The following PFKP variants were observed in gnomAD, a reference collection of about 807,000 sequenced individuals.
PFKP encodes phosphofructokinase, platelet.
PFKP carries 101 observed loss-of-function variants against 94.3 expected under a neutral mutation model. The ratio of observed to expected loss-of-function variants is 1.07; its 90% confidence interval spans 0.91 to 1.26. The LOEUF (loss-of-function observed/expected upper bound fraction) is 1.26, where lower values mean the gene tolerates loss of function less well. Ranked by LOEUF, PFKP falls within the 50% of genes most tolerant of loss-of-function variation. The probability of loss-of-function intolerance (pLI) is 0.00; values close to 1 mark genes in which losing one functional copy is unlikely to be tolerated. For missense variants in PFKP, 1,145 were observed against 1,103.3 expected (o/e 1.04, Z -0.53); for synonymous variants, 573 against 432.6 (o/e 1.32, Z -4.03).
rs1839424710 is a variant in PFKP at position 3,136,735 on chromosome 10, GGAGT to G, written c.*158_*161del. 1.5e-6 allele frequency: 1 copy of G among 661,998 alleles called. No individual in the cohort carries two copies. Among genetic ancestry groups the G allele is most frequent in the Non-Finnish European group, 2.6e-6 (1 of 391,374 alleles). 41.0% of individuals were successfully genotyped at this position (661,998 alleles called of 1,614,324 possible). A position where few individuals can be genotyped will look rare whatever the true frequency, so the allele number is the denominator to read the frequency against. Reference sequence around the variant, plus strand: ...ACCTGCTCCAGTGCGTGCTGTCTGTGGAGTGTGTCTCATGCTTTCAGATGTGCAT... The same window carrying G: ...ACCTGCTCCAGTGCGTGCTGTCTGTGGTGTCTCATGCTTTCAGATGTGCAT... On this transcript the variant is annotated 3_prime_UTR_variant, in exon 22 of 22. Transcript: ENST00000381125.
chr10:3,069,119 C>T (rs1386324064), intron 1 of PFKP: 2 of 537,894 alleles, frequency 3.7e-6, no homozygotes, highest in African/African-American at 4.0e-5. Context: ...CTCCCCAGGC[C>T]CGCAGCGCAG....
At chr10:3,121,568 G>C (rs978183241) in intron 16 of PFKP, among the ~76,000 whole-genome samples, 1 of 137,150 alleles carries the variant, frequency 7.3e-6, no homozygotes, top group Admixed American at 7.9e-5. Flanking sequence ...AGGGTCCTCT[G>C]CTATAAATAA....
At position 3,099,270 on chromosome 10, in the gene PFKP, C is replaced by T. The variant is rs760544416; in HGVS notation, c.187-5C>T. On this transcript the variant is annotated splice_polypyrimidine_tract_variant and splice_region_variant and intron_variant, in intron 2 of 21. Coordinates refer to ENST00000381125, the MANE Select transcript of PFKP (RefSeq NM_002627.5). ...TTTTTAAAAGATTCTCCCTTTCTCC[C>T]CTAGGGCTACCAGGGCATGGTGGAC... is the stretch of plus-strand genomic sequence containing the variant. The T allele has an allele frequency of 6.2e-7, 1 of 1,611,040 alleles. No homozygotes were observed. The highest frequency in any genetic ancestry group is 1.1e-5 in the South Asian group (1 of 91,028).
intron 16 of PFKP, among the ~76,000 whole-genome samples, chr10:3,126,335 G>A (rs1837940517): frequency 6.6e-6 from 1 of 152,220 alleles, no homozygotes; most frequent in Admixed American, 6.5e-5. Context: ...TGGTGGTCTT[G>A]CAGAGGCTGG....
intron 2 of PFKP, among the ~76,000 whole-genome samples, chr10:3,089,610 ACT>A (rs1369874339): frequency 2.7e-5 from 4 of 147,006 alleles, no homozygotes; most frequent in African/African-American, 7.6e-5. Context: ...CTCCAATTTT[ACT>A]CTTTTAGTTA....
Position 3,134,583 on chromosome 10 carries a change from G to T in PFKP, c.2122+1G>T. The stretch of plus-strand genomic sequence containing the variant: ...AAACTCAAGGAGGCCCGGGGCAGAG[G>T]TAAGGGGTCTGGGGAGGGAGGCCAC... On this transcript the variant is annotated splice_donor_variant, in intron 20 of 21. Transcript: ENST00000381125. LOFTEE classifies it high-confidence loss of function. 3.7e-6 allele frequency: 6 copies of T among 1,605,104 alleles called. No individual in the cohort carries two copies. Among genetic ancestry groups the T allele is most frequent in the Non-Finnish European group, 4.3e-6 (5 of 1,171,992 alleles).
At chr10:3,128,600 GCGGGCCT>G (rs1017907868) in intron 16 of PFKP, among the ~76,000 whole-genome samples, 1 of 152,044 alleles carries the variant, frequency 6.6e-6, no homozygotes, top group Non-Finnish European at 1.5e-5. Context: ...GCCCAGAGTT[GCGGGCCT>G]TGCACGCCTT....
chr10:3,067,976 G>A (rs918218275), intron 1 of PFKP, among the ~76,000 whole-genome samples: 2 of 152,216 alleles, frequency 1.3e-5, no homozygotes, highest in African/African-American at 2.4e-5. Context: ...CGGTGGGGCG[G>A]GGGAGGAAGG....
chr10:3,097,092 C>CAAAA (rs1331910256), intron 2 of PFKP, among the ~76,000 whole-genome samples: 2 of 95,630 alleles, frequency 2.1e-5, no homozygotes, highest in Non-Finnish European at 4.3e-5. Context: ...AAACAAAAAA[C>CAAAA]AAAAAAACCT....
intron 12 of PFKP, 36 bp downstream of exon 12, chr10:3,113,224 C>G: frequency 1.3e-6 from 2 of 1,598,772 alleles, no homozygotes. Flanking sequence ...CCCGACCTCT[C>G]CTGCGGGCCT....
At chr10:3,104,773 GTGCCC>G in intron 5 of PFKP, 1 of 372,824 alleles carries the variant, frequency 2.7e-6, no homozygotes, top group South Asian at 3.0e-5. Context: ...GCTGCCGACT[GTGCCC>G]AATAGAGAAG....
At chr10:3,130,462 G>A (rs1838450167) in intron 17 of PFKP, among the ~76,000 whole-genome samples, 2 of 152,266 alleles carry the variant, frequency 1.3e-5, no homozygotes, top group Middle Eastern at 3.4e-3. Context: ...GTCTGCCCCT[G>A]CTTGGACGAC....
chr10:3,104,042 G>C, intron 5 of PFKP, 98 bp downstream of exon 5: 1 of 1,100,392 alleles, frequency 9.1e-7, no homozygotes, highest in Non-Finnish European at 1.3e-6. Flanking sequence ...CAGATTGGGT[G>C]TCCTGGTGCT....
At chr10:3,119,283 C>T (rs1485275611) in intron 15 of PFKP, among the ~76,000 whole-genome samples, 2 of 152,160 alleles carry the variant, frequency 1.3e-5, no homozygotes, top group African/African-American at 4.8e-5. Context: ...AGATTAGTCC[C>T]ATGGTAACCT....
intron 2 of PFKP, among the ~76,000 whole-genome samples, chr10:3,084,822 A>ACCC: frequency 1.7e-5 from 1 of 58,970 alleles, no homozygotes; most frequent in South Asian, 5.8e-4. Context: ...ACAGTCTTCC[A>ACCC]CCTCGTCCCA....
Position 3,107,924 on chromosome 10 carries a change from G to T in PFKP, c.870+615G>T, listed in dbSNP as rs561346335. On this transcript the variant is annotated intron_variant, in intron 8 of 21. Coordinates refer to ENST00000381125, the MANE Select transcript of PFKP (RefSeq NM_002627.5). ...TGCAGGCTGCCGGGGCTGGGGATGG[G>T]CTGTGGCTCCAGCAGCCACGGGGCA... is the stretch of plus-strand genomic sequence containing the variant. 6.2e-6 allele frequency: 8 copies of T among 1,289,494 alleles called. No individual in the cohort carries two copies. In the South Asian group the frequency reaches 8.6e-5, roughly 14 times the overall value. The allele number at this position is 1,289,494 out of a possible 1,614,324, so 79.9% of individuals were successfully genotyped here.
intron 17 of PFKP, among the ~76,000 whole-genome samples, chr10:3,130,369 G>A (rs918476848): frequency 2.6e-4 from 39 of 152,296 alleles, no homozygotes; most frequent in Admixed American, 5.9e-4. Flanking sequence ...CTGATGCTGC[G>A]TCTGCCTCTA....
chr10:3,121,803 CTTTTTT>C (rs759926178), intron 16 of PFKP, among the ~76,000 whole-genome samples: 8 of 32,622 alleles, frequency 2.5e-4, no homozygotes, highest in Admixed American at 9.2e-4. Flanking sequence ...CTTTTTTTTT[CTTTTTT>C]TTTTTTTTTT....
chr10:3,113,088 A>G, intron 11 of PFKP, 31 bp from the exon 12 acceptor site: 1 of 1,601,826 alleles, frequency 6.2e-7, no homozygotes, highest in Non-Finnish European at 8.5e-7. Context: ...GGTATTCTCG[A>G]CTCCGGTCCA....
Sources: gnomAD v4.1 joint callset for allele counts (sites outside exome capture counted in the v4.1 genomes callset) on GRCh38, gnomAD v4.1.1 for gene constraint, MANE v1.5 for transcripts, NCBI Gene and HGNC (gene_info 2026-07-23, HGNC 2026-07-21) for gene names.